CREBBP: variants seen among roughly 807,000 people sequenced by gnomAD.
The protein encoded by CREBBP is CREB binding lysine acetyltransferase.
CREBBP carries 19 observed loss-of-function variants against 265.0 expected under a neutral mutation model. The ratio of observed to expected loss-of-function variants is 0.07; its 90% CI spans 0.05 to 0.11. The LOEUF (loss-of-function observed/expected upper bound fraction) is 0.11, where lower values mean the gene tolerates loss of function less well. Ranked by LOEUF, CREBBP falls within the 10% of genes least tolerant of loss-of-function variation. The pLI is 1.00. For missense variants in CREBBP, 2,525 were observed against 3,219.0 expected, an observed-to-expected ratio of 0.78 and a Z score of 5.22; for synonymous variants, 1,457 against 1,223.7, an observed-to-expected ratio of 1.19 and a Z score of -3.98.
At chr16:3,865,884 C>T (rs1334780080) in intron 1 of CREBBP, among the ~76,000 whole-genome samples, 2 of 152,174 alleles carry the variant, frequency 1.3e-5, no homozygotes, top group Admixed American at 1.3e-4. Context: ...GATCCATCAA[C>T]TCAGCCTTCC....
chr16:3,869,154 G>A (rs918840851), intron 1 of CREBBP, among the ~76,000 whole-genome samples: 21 of 152,034 alleles, frequency 1.4e-4, no homozygotes, highest in African/African-American at 5.1e-4. Context: ...CACAGCCCCC[G>A]GGGACTTCCA....
In CREBBP at chr16:3,727,864, T is replaced by C. The variant is rs2051788149; in HGVS notation, c.7183A>G (p.Ile2395Val). The change falls in exon 31 of 31, where the codon ATA becomes GTA. Residue 2395 changes from isoleucine (I) to valine (V), a missense_variant. This residue lies in a region of CREBBP where 473 missense variants were observed against 459.3 expected (regional missense o/e 1.03). Coordinates refer to ENST00000262367, the MANE Select transcript of CREBBP (RefSeq NM_004380.3). The part of the protein sequence containing the change: ...PGLAVTMASS[I>V]DQGHLGNPEQ... Reference sequence around the variant, plus strand: ...GGGTTCCCCAAGTGTCCCTGATCTATGGAGCTGGCCATGGTGACTGCGAGT... The same window carrying C: ...GGGTTCCCCAAGTGTCCCTGATCTACGGAGCTGGCCATGGTGACTGCGAGT... The C allele has an allele frequency of 1.2e-6, 2 of 1,614,016 alleles. No individual in the cohort carries two copies. The highest frequency in any genetic ancestry group is 1.7e-6 in the Non-Finnish European group (2 of 1,179,978).
At chr16:3,797,678 G>C (rs1451273307) in intron 3 of CREBBP, among the ~76,000 whole-genome samples, 1 of 151,978 alleles carries the variant, frequency 6.6e-6, no homozygotes, top group Non-Finnish European at 1.5e-5. Context: ...ACCCCAGAAA[G>C]TGAAACCCCA....
chr16:3,853,854 T>C (rs2054905057), intron 1 of CREBBP, among the ~76,000 whole-genome samples: 1 of 151,578 alleles, frequency 6.6e-6, no homozygotes, highest in Non-Finnish European at 1.5e-5. Flanking sequence ...GGAGAGTCGC[T>C]TGAACCTGGG....
chr16:3,851,796 G>C (rs1377818069), intron 1 of CREBBP, among the ~76,000 whole-genome samples: 4 of 145,784 alleles, frequency 2.7e-5, no homozygotes, highest in African/African-American at 1.0e-4. Context: ...GGAGCTTGCA[G>C]TGAGCCGAGA....
In CREBBP at chr16:3,727,675, A is replaced by C. The variant is rs917680914; in HGVS notation, c.*43T>G. On this transcript the variant is annotated 3_prime_UTR_variant, in exon 31 of 31. Transcript: ENST00000262367. The stretch of plus-strand genomic sequence containing the variant: ...TAGATGCCTGGATTTTCAGTACAAA[A>C]GGTCCAAGAACATGAAAGGGAAAAG... The C allele has an allele frequency of 6.2e-7, 1 of 1,613,386 alleles. No individual in the cohort carries two copies.
At chr16:3,771,413 T>G (rs1241771078) in intron 13 of CREBBP, among the ~76,000 whole-genome samples, 1 of 152,186 alleles carries the variant, frequency 6.6e-6, no homozygotes, top group Non-Finnish European at 1.5e-5. Flanking sequence ...GTGTTCTGCT[T>G]GTGAAAATTC....
At chr16:3,803,507 C>G (rs756188653) in intron 3 of CREBBP, among the ~76,000 whole-genome samples, 14 of 151,536 alleles carry the variant, frequency 9.2e-5, no homozygotes, top group Non-Finnish European at 1.8e-4. Flanking sequence ...TCTCTCTCAA[C>G]AACAACAACA....
rs977826942 is a variant in CREBBP, at chr16:3,767,432, C to T, written c.3250+288G>A. On this transcript the variant is annotated intron_variant, in intron 16 of 30. Coordinates refer to ENST00000262367, the MANE Select transcript of CREBBP (RefSeq NM_004380.3). ...TCCTTAACCTGCTCAAGGACCCAGACACATTTCAACTCGGCCCCTGCCAGC... is the reference window on the plus strand; with the variant it reads ...TCCTTAACCTGCTCAAGGACCCAGATACATTTCAACTCGGCCCCTGCCAGC... 19 of 538,772 alleles carry T rather than the reference C, an allele frequency of 3.5e-5. No individual in the cohort carries two copies. The African/African-American group carries it at 3.6e-4, about 10-fold the overall frequency. The allele number at this position is 538,772 out of a possible 1,614,324, so 33.4% of individuals were successfully genotyped here.
chr16:3,752,142 C>T (rs1316416572), intron 19 of CREBBP, among the ~76,000 whole-genome samples: 1 of 152,072 alleles, frequency 6.6e-6, no homozygotes, highest in South Asian at 2.1e-4. Context: ...AGGCTCGGTC[C>T]GGCTCCAAGA....
intron 2 of CREBBP, among the ~76,000 whole-genome samples, chr16:3,838,076 C>T (rs1371038794): frequency 6.6e-6 from 1 of 152,224 alleles, no homozygotes; most frequent in Non-Finnish European, 1.5e-5. Flanking sequence ...TCAAGTGATC[C>T]TCCGGCCTCA....
chr16:3,728,983 G>C lies in CREBBP; in HGVS notation c.6064C>G (p.Gln2022Glu). 6.3e-7 allele frequency: 1 copy of C among 1,595,692 alleles called. No individual in the cohort carries two copies. Among genetic ancestry groups the C allele is most frequent in the Non-Finnish European group, 8.5e-7 (1 of 1,176,480 alleles). ...TGCTGCTGGGGAAGGGGCGCCTGCTGCCACTGCCCGGGAGGCATGCTGGGC... is the reference window on the plus strand; with the variant it reads ...TGCTGCTGGGGAAGGGGCGCCTGCTCCCACTGCCCGGGAGGCATGCTGGGC... ...VMPSMPPGQW[Q>E]QAPLPQQQPM... Residue 2022 changes from glutamine (Q) to glutamate (E), a missense_variant, in exon 31 of 31, where the codon CAG becomes GAG. Physicochemically the swap from Gln to Glu is conservative, Grantham distance 29. This residue lies in a region of CREBBP where 275 missense variants were observed against 276.5 expected (regional missense o/e 0.99). Coordinates refer to ENST00000262367, the MANE Select transcript of CREBBP (RefSeq NM_004380.3). The surrounding 1 kb of genome is among the most constrained non-coding windows in gnomAD (Gnocchi z 8.7).
rs1326689659 is a variant in CREBBP at position 3,728,402 on chromosome 16, C to T, written c.6645G>A (p.Gln2215=). The T allele has an allele frequency of 6.2e-7, 1 of 1,611,976 alleles. No homozygotes were observed. The highest frequency in any genetic ancestry group is 1.7e-5 in the Admixed American group (1 of 59,712). ...QQQQQQQQQQ[Q]QGSAGMAGGM... ...CCCCAGCCATGCCGGCACTCCCTTG[C>T]TGCTGCTGCTGTTGCTGCTGTTGTT... The change falls in exon 31 of 31, where the codon CAG becomes CAA. Residue 2215 remains glutamine, a synonymous_variant. Coordinates refer to ENST00000262367, the MANE Select transcript of CREBBP (RefSeq NM_004380.3). The surrounding 1 kb of genome is among the most constrained non-coding windows in gnomAD (Gnocchi z 8.7).
chr16:3,744,390 G>A (rs1030772066), intron 23 of CREBBP, among the ~76,000 whole-genome samples: 2 of 152,198 alleles, frequency 1.3e-5, no homozygotes, highest in South Asian at 2.1e-4. Flanking sequence ...AACCACTTGA[G>A]AATAATCTGT....
intron 1 of CREBBP, among the ~76,000 whole-genome samples, chr16:3,851,582 T>C (rs1047232472): frequency 6.6e-6 from 1 of 152,112 alleles, no homozygotes; most frequent in Non-Finnish European, 1.5e-5. Context: ...TGGCCGGGCA[T>C]GGTGGCTCAA....
chr16:3,794,564 A>T (rs534752904), intron 3 of CREBBP, among the ~76,000 whole-genome samples: 14 of 152,154 alleles, frequency 9.2e-5, no homozygotes, highest in Non-Finnish European at 1.8e-4. Flanking sequence ...TGGGAAATGC[A>T]TTCTTGTCCT....
chr16:3,756,397 A>C (rs2052587053), intron 19 of CREBBP, among the ~76,000 whole-genome samples: 1 of 152,222 alleles, frequency 6.6e-6, no homozygotes. Context: ...TTCTCAAACA[A>C]CTCCAAAACT....
chr16:3,768,198 T>A (rs1287203663), intron 15 of CREBBP, among the ~76,000 whole-genome samples: 2 of 119,308 alleles, frequency 1.7e-5, no homozygotes, highest in Admixed American at 2.4e-4. Context: ...CAGGCTGGAG[T>A]GCAATGGCAA....
intron 15 of CREBBP, among the ~76,000 whole-genome samples, chr16:3,768,135 T>TG (rs2052904754): frequency 8.8e-6 from 1 of 113,730 alleles, no homozygotes; most frequent in Non-Finnish European, 1.8e-5. Context: ...AATTTAAAAG[T>TG]GTTTTTTTTT....
Sources: allele counts gnomAD v4.1 joint callset (sites outside exome capture counted in the v4.1 genomes callset), GRCh38; gene constraint gnomAD v4.1.1; regional missense constraint gnomAD v4.1.1; non-coding constraint Gnocchi (gnomAD v3.1); transcripts MANE v1.5; gene names NCBI Gene and HGNC (gene_info 2026-07-23, HGNC 2026-07-21).